Variants in HECW1 observed in about 807,000 individuals in gnomAD.
The protein encoded by HECW1 is E3 ubiquitin-protein ligase HECW1.
HECW1 carries 61 observed loss-of-function variants against 182.3 expected under a neutral mutation model. The observed-to-expected ratio is 0.33, with a 90% CI of 0.27 to 0.41. The LOEUF (loss-of-function observed/expected upper bound fraction) is 0.41, where lower values mean the gene tolerates loss of function less well. Among genes scored for constraint, HECW1 ranks in the 10% least tolerant of loss-of-function variants. HECW1 has a pLI of 1.00. For synonymous variants in HECW1, 859 were observed against 832.6 expected, an observed-to-expected ratio of 1.03 and a Z score of -0.55; for missense variants, 1,739 against 2,108.9, an observed-to-expected ratio of 0.82 and a Z score of 3.44.
At chr7:43,445,668 A>G in intron 11 of HECW1, 98 bp downstream of exon 11, 4 of 1,418,326 alleles carry the variant, frequency 2.8e-6, no homozygotes, top group Non-Finnish European at 3.7e-6. Context: ...GATCGGTGTC[A>G]AACGGGGTTG....
chr7:43,476,612 G>A (rs1473803135), intron 16 of HECW1, among the ~76,000 whole-genome samples: 3 of 152,064 alleles, frequency 2.0e-5, no homozygotes, highest in Non-Finnish European at 4.4e-5. Flanking sequence ...GGAATAGTGC[G>A]GTACCAGTGA....
chr7:43,449,400 C>G (rs761279090), intron 11 of HECW1, among the ~76,000 whole-genome samples: 1 of 152,180 alleles, frequency 6.6e-6, no homozygotes, highest in Non-Finnish European at 1.5e-5. Flanking sequence ...AAATAATGTT[C>G]TATATTTAAC....
chr7:43,556,480 A>G (rs1201727068), intron 29 of HECW1, among the ~76,000 whole-genome samples: 1 of 152,198 alleles, frequency 6.6e-6, no homozygotes, highest in Non-Finnish European at 1.5e-5. Flanking sequence ...TGCGCCCAAG[A>G]GTTCAAGACC....
At chr7:43,182,324 T>G (rs977180799) in intron 2 of HECW1, among the ~76,000 whole-genome samples, 2 of 152,246 alleles carry the variant, frequency 1.3e-5, no homozygotes, top group Admixed American at 6.5e-5. Flanking sequence ...TGAGTTGATT[T>G]TGGTATATGG....
At chr7:43,166,934 G>A (rs1791184503) in intron 2 of HECW1, among the ~76,000 whole-genome samples, 1 of 152,230 alleles carries the variant, frequency 6.6e-6, no homozygotes, top group African/African-American at 2.4e-5. Flanking sequence ...CCGTGTGCCA[G>A]GCCCCAGGGG....
chr7:43,424,559 G>T (rs1160896643), intron 8 of HECW1, among the ~76,000 whole-genome samples: 1 of 152,098 alleles, frequency 6.6e-6, no homozygotes, highest in African/African-American at 2.4e-5. Context: ...GGGGGTCAAG[G>T]CTGCAGTGAG....
intron 2 of HECW1, among the ~76,000 whole-genome samples, chr7:43,171,576 A>G (rs1443487800): frequency 6.6e-6 from 1 of 152,202 alleles, no homozygotes; most frequent in Non-Finnish European, 1.5e-5. Context: ...CTTAAAAACC[A>G]TTTCAATACA....
intron 8 of HECW1, among the ~76,000 whole-genome samples, chr7:43,426,201 A>G: frequency 6.6e-6 from 1 of 152,234 alleles, no homozygotes; most frequent in East Asian, 1.9e-4. Flanking sequence ...ACATCCTTTT[A>G]CATCTGTTTA....
chr7:43,196,915 C>T (rs1697920528), intron 2 of HECW1, among the ~76,000 whole-genome samples: 1 of 151,984 alleles, frequency 6.6e-6, no homozygotes, highest in Admixed American at 6.5e-5. Flanking sequence ...TGCCCTTGAG[C>T]CATTTTTTTA....
intron 2 of HECW1, among the ~76,000 whole-genome samples, chr7:43,195,313 C>G (rs1263342808): frequency 6.6e-6 from 1 of 152,204 alleles, no homozygotes; most frequent in Non-Finnish European, 1.5e-5. Flanking sequence ...GTCGCACAGT[C>G]TGGGAGGCCC....
At chr7:43,509,226 G>C (rs2152929001) in intron 24 of HECW1, 105 bp downstream of exon 24, 2 of 1,075,116 alleles carry the variant, frequency 1.9e-6, no homozygotes, top group East Asian at 2.5e-5. Context: ...GCAGTGGCCA[G>C]ATGTTATGAG....
At chr7:43,180,784 T>C (rs1298796470) in intron 2 of HECW1, among the ~76,000 whole-genome samples, 1 of 152,266 alleles carries the variant, frequency 6.6e-6, no homozygotes, top group Non-Finnish European at 1.5e-5. Flanking sequence ...CATTGTTTAA[T>C]GAACAAATCA....
At chr7:43,557,236 C>T (rs890702952) in intron 29 of HECW1, among the ~76,000 whole-genome samples, 2 of 152,152 alleles carry the variant, frequency 1.3e-5, no homozygotes, top group African/African-American at 4.8e-5. Context: ...CATGGGCTTC[C>T]CAGGTACTGT....
In HECW1 at chr7:43,264,595, C is replaced by T. The variant is rs187659492; in HGVS notation, c.27+20663C>T. The stretch of plus-strand genomic sequence containing the variant: ...GCGCGGTGGCTCACGCCTGTAATCT[C>T]AGCACTTTGGGAGGCCAAGGCGGGC... On this transcript the variant is annotated intron_variant, in intron 3 of 29. Coordinates refer to ENST00000395891, the MANE Select transcript of HECW1 (RefSeq NM_015052.5). Among the ~76,000 whole-genome samples the T allele has an allele frequency of 5.5e-3, 834 of 152,202 alleles. 4 individuals are homozygous for T. Among genetic ancestry groups the T allele is most frequent in the African/African-American group, 0.019 (775 of 41,522 alleles).
chr7:43,403,837 T>C (rs760485802), intron 7 of HECW1, among the ~76,000 whole-genome samples: 114 of 152,328 alleles, frequency 7.5e-4, no homozygotes, highest in Non-Finnish European at 1.2e-3. Flanking sequence ...AAATAAATAA[T>C]TATTTCAATT....
rs1196857055 is a variant in HECW1, at chr7:43,469,053, C to T, written c.3047C>T (p.Thr1016Ile). The T allele has an allele frequency of 6.2e-7, 1 of 1,614,212 alleles. No individual in the cohort carries two copies. The highest frequency in any genetic ancestry group is 8.5e-7 in the Non-Finnish European group (1 of 1,180,038). ...LVNFINMFADTRLELPRGWEI... is the reference protein window; with the variant it reads ...LVNFINMFADIRLELPRGWEI... ...AATTTCATCAACATGTTCGCAGACA[C>T]TCGGCTGGAACTGCCCCGGGGCTGG... is the stretch of plus-strand genomic sequence containing the variant. Residue 1016 changes from threonine to isoleucine, a missense_variant, in exon 16 of 30, where the codon ACT (threonine) becomes ATT (isoleucine). By Grantham distance (89) the Thr-to-Ile change is moderately conservative. Around this residue, in one of 5 missense-constraint regions of HECW1, gnomAD observed 971 missense variants for 1,029.1 expected, o/e 0.94. Transcript: ENST00000395891.
intron 5 of HECW1, among the ~76,000 whole-genome samples, chr7:43,354,241 A>G (rs1045036113): frequency 3.3e-5 from 5 of 152,128 alleles, no homozygotes; most frequent in African/African-American, 1.2e-4. Flanking sequence ...TAATCCTTCA[A>G]TGCAAAGACA....
intron 9 of HECW1, chr7:43,440,694 A>G (rs2076859481): frequency 1.3e-5 from 2 of 152,238 alleles, no homozygotes; most frequent in African/African-American, 4.8e-5. Context: ...GATTTCAATT[A>G]AGTTTTGGGT....
chr7:43,330,334 T>C (rs7800809), intron 5 of HECW1, among the ~76,000 whole-genome samples: 33,212 of 151,848 alleles, frequency 0.22, 4,158 homozygotes, highest in Non-Finnish European at 0.29. Flanking sequence ...AGGCCCAGAG[T>C]TTCCAGCCAT....
Sources: allele counts gnomAD v4.1 joint callset (sites outside exome capture counted in the v4.1 genomes callset), GRCh38; gene constraint gnomAD v4.1.1; regional missense constraint gnomAD v4.1.1; transcripts MANE v1.5; gene names NCBI Gene and HGNC (gene_info 2026-07-23, HGNC 2026-07-21).